C10orf67: variants seen among roughly 807,000 people sequenced by gnomAD.
C10orf67 encodes chromosome 10 open reading frame 67.
Under a neutral mutation model 35.6 loss-of-function variants are expected in C10orf67, and 60 were observed. That is an observed-to-expected ratio of 1.68 (90% CI 1.37 to 2.09). The LOEUF (loss-of-function observed/expected upper bound fraction) is 2.09, where lower values mean the gene tolerates loss of function less well. Among genes scored for constraint, C10orf67 ranks in the 30% most tolerant of loss-of-function variants. The pLI is 0.00. For missense variants in C10orf67, 474 were observed against 330.2 expected, an observed-to-expected ratio of 1.44 and a Z score of -3.38; for synonymous variants, 167 against 115.8, an observed-to-expected ratio of 1.44 and a Z score of -2.84.
chr10:23,211,415 T>C lies in C10orf67; in HGVS notation c.1571-7160A>G, dbSNP rs969816706. Among the ~76,000 whole-genome samples, 9 of 150,546 alleles carry C rather than the reference T, an allele frequency of 6.0e-5. No individual in the cohort carries two copies. The Admixed American group carries it at 6.1e-4, about 10-fold the overall frequency. On this transcript the variant is annotated intron_variant, in intron 15 of 15. Coordinates refer to ENST00000636213, the MANE Select transcript of C10orf67 (RefSeq NM_001371909.1). ...CTATTTCTAAATAAGATTACATTCA[T>C]AGGAGCCTGAGATTAAAGTCTCAAC... is the stretch of plus-strand genomic sequence containing the variant.
intron 15 of C10orf67, among the ~76,000 whole-genome samples, chr10:23,209,681 G>T (rs531250947): frequency 3.3e-5 from 5 of 152,154 alleles, no homozygotes; most frequent in African/African-American, 1.2e-4. Flanking sequence ...TATTTGTCAA[G>T]TATATCTCAA....
At chr10:23,316,299 G>A (rs1206518813) in intron 4 of C10orf67, among the ~76,000 whole-genome samples, 1 of 152,210 alleles carries the variant, frequency 6.6e-6, no homozygotes, top group South Asian at 2.1e-4. Flanking sequence ...TATACCACAA[G>A]TGGCTTCCAC....
At chr10:23,213,099 A>C (rs1318294531) in intron 15 of C10orf67, among the ~76,000 whole-genome samples, 1 of 152,270 alleles carries the variant, frequency 6.6e-6, no homozygotes, top group Non-Finnish European at 1.5e-5. Flanking sequence ...AATTTTGGAA[A>C]TAGAAGAGTC....
At chr10:23,309,071 G>T (rs376008127) in intron 4 of C10orf67, among the ~76,000 whole-genome samples, 6 of 152,118 alleles carry the variant, frequency 3.9e-5, no homozygotes, top group Admixed American at 2.0e-4. Flanking sequence ...TCTTAAAAAA[G>T]ATACCTGCGC....
chr10:23,278,687 A>G (rs967409185), intron 8 of C10orf67, among the ~76,000 whole-genome samples: 2 of 152,218 alleles, frequency 1.3e-5, no homozygotes, highest in African/African-American at 2.4e-5. Flanking sequence ...AGGAGGCAGC[A>G]TCTGACCTCC....
chr10:23,239,683 G>A, intron 13 of C10orf67, 46 bp downstream of exon 13: 2 of 617,520 alleles, frequency 3.2e-6, no homozygotes, highest in South Asian at 3.8e-5. Flanking sequence ...AAACAGACAG[G>A]TATATTCAAA....
chr10:23,267,374 C>A, intron 8 of C10orf67, 120 bp from the exon 9 acceptor site: 1 of 531,616 alleles, frequency 1.9e-6, no homozygotes, highest in Non-Finnish European at 3.3e-6. Context: ...TCTCCCAAAA[C>A]GATTATGGGA....
chr10:23,221,569 T>C (rs1187533353), intron 15 of C10orf67, among the ~76,000 whole-genome samples: 1 of 152,238 alleles, frequency 6.6e-6, no homozygotes, highest in Non-Finnish European at 1.5e-5. Flanking sequence ...TAATCTTGGC[T>C]AATTTGGCCC....
intron 12 of C10orf67, among the ~76,000 whole-genome samples, chr10:23,242,460 A>G (rs1047441049): frequency 1.3e-5 from 2 of 152,246 alleles, no homozygotes; most frequent in African/African-American, 4.8e-5. Context: ...AGGCAGCAAG[A>G]AAATGATTTC....
chr10:23,333,122 A>G lies in C10orf67; in HGVS notation c.267T>C (p.Thr89=). ...GFFSTDHATQ[T]DSSEILSVKE... is the part of the protein sequence containing the mutation. Reference sequence around the variant, plus strand: ...TTACTGACAGTATTTCACTGGAATCAGTTTGAGTGGCATGGTCTGTGCTGA... The same window carrying G: ...TTACTGACAGTATTTCACTGGAATCGGTTTGAGTGGCATGGTCTGTGCTGA... Residue 89 remains threonine (T), a synonymous_variant, in exon 2 of 16, where the codon ACT becomes ACC. Transcript: ENST00000636213. 4 of 1,610,346 alleles carry G rather than the reference A, an allele frequency of 2.5e-6. No individual in the cohort carries two copies. The highest frequency in any genetic ancestry group is 3.4e-6 in the Non-Finnish European group (4 of 1,176,882).
At chr10:23,237,637 G>A (rs974550710) in intron 13 of C10orf67, among the ~76,000 whole-genome samples, 17 of 152,186 alleles carry the variant, frequency 1.1e-4, no homozygotes, top group African/African-American at 4.1e-4. Flanking sequence ...AATAACATGG[G>A]TGGATCTTAA....
intron 5 of C10orf67, among the ~76,000 whole-genome samples, chr10:23,302,366 G>C (rs1319253333): frequency 6.6e-6 from 1 of 152,036 alleles, no homozygotes; most frequent in African/African-American, 2.4e-5. Context: ...GGTGAACCTT[G>C]GTTCATGTAC....
rs1380683722 is a variant in C10orf67 at position 23,282,022 on chromosome 10, A to G, written c.966T>C (p.Val322=). 8.0e-6 allele frequency: 5 copies of G among 625,678 alleles called. No homozygotes were observed. In the South Asian group the frequency reaches 9.9e-5, roughly 12 times the overall value. 38.8% of individuals were successfully genotyped at this position (625,678 alleles called of 1,614,324 possible). Reference sequence around the variant, plus strand: ...ATGTAAATCATCTTACCACATCCTGAACTAATGATTTTTCATAATGAAGCT... The same window carrying G: ...ATGTAAATCATCTTACCACATCCTGGACTAATGATTTTTCATAATGAAGCT... ...REELHYEKSL[V]QDVINKQKED... The change falls in exon 8 of 16, where the codon GTT becomes GTC. Residue 322 remains valine, a synonymous_variant. Coordinates refer to ENST00000636213, the MANE Select transcript of C10orf67 (RefSeq NM_001371909.1).
intron 13 of C10orf67, among the ~76,000 whole-genome samples, chr10:23,229,591 A>T (rs1257319503): frequency 3.3e-5 from 5 of 152,124 alleles, no homozygotes; most frequent in Non-Finnish European, 7.4e-5. Context: ...ATAATAATAA[A>T]AAAAGTTTGT....
At chr10:23,236,253 GAAAA>G (rs368833212) in intron 13 of C10orf67, among the ~76,000 whole-genome samples, 2 of 75,804 alleles carry the variant, frequency 2.6e-5, no homozygotes, top group South Asian at 4.8e-4. Flanking sequence ...CCTCTCGGGG[GAAAA>G]AAAAAAAAAA....
chr10:23,238,489 A>T (rs1842101907), intron 13 of C10orf67, among the ~76,000 whole-genome samples: 1 of 152,202 alleles, frequency 6.6e-6, no homozygotes, highest in South Asian at 2.1e-4. Flanking sequence ...TTGCATGGCC[A>T]CTTGAGGGCA....
rs535864750 is a variant in C10orf67 at position 23,267,121 on chromosome 10, G to A, written c.1035+74C>T. The A allele has an allele frequency of 1.5e-5, 10 of 673,674 alleles. No homozygotes were observed. The African/African-American group carries it at 1.8e-4, about 12-fold the overall frequency. The allele number at this position is 673,674 out of a possible 1,614,324, so 41.7% of individuals were successfully genotyped here. The stretch of plus-strand genomic sequence containing the variant: ...AAACCTCAGTATGCTACACAGATTT[G>A]TCAATTCAGATACCAAAATCAGAGA... On this transcript the variant is annotated intron_variant, in intron 9 of 15. Transcript: ENST00000636213.
intron 4 of C10orf67, among the ~76,000 whole-genome samples, chr10:23,305,131 T>C (rs1487574095): frequency 6.6e-6 from 1 of 152,190 alleles, no homozygotes; most frequent in Admixed American, 6.5e-5. Context: ...CATAAGGCTA[T>C]ATAGTTAGTG....
rs545113504 is a variant in C10orf67 at position 23,276,365 on chromosome 10, A to G, written c.975+5648T>C. On this transcript the variant is annotated intron_variant, in intron 8 of 15. Transcript: ENST00000636213. The stretch of plus-strand genomic sequence containing the variant: ...AGACCTGCAGGACTCCTATTCATAC[A>G]GAAGTCATTGATGCCACCTCCTCTA... 1.6e-4 allele frequency among the ~76,000 whole-genome samples: 24 copies of G among 152,306 alleles called. No homozygotes were observed. The South Asian group carries it at 4.6e-3, about 29-fold the overall frequency.
Sources: allele counts gnomAD v4.1 joint callset (sites outside exome capture counted in the v4.1 genomes callset), GRCh38; gene constraint gnomAD v4.1.1; transcripts MANE v1.5; gene names NCBI Gene and HGNC (gene_info 2026-07-23, HGNC 2026-07-21).